SCN1A: variants seen among roughly 807,000 people sequenced by gnomAD.
The protein encoded by SCN1A is sodium channel protein type 1 subunit alpha.
A neutral mutation model predicts 193.7 loss-of-function variants in SCN1A; 13 were observed. The ratio of observed to expected loss-of-function variants is 0.07; its 90% CI spans 0.04 to 0.11. The LOEUF is 0.11. Ranked by LOEUF, SCN1A falls within the 10% of genes least tolerant of loss-of-function variation. The pLI is 1.00. For synonymous variants in SCN1A, 781 were observed against 843.6 expected (o/e 0.93, Z 1.29); for missense variants, 1,432 against 2,451.1 (o/e 0.58, Z 8.78).
chr2:166,007,986 C>T (rs1370667792), intron 23 of SCN1A, among the ~76,000 whole-genome samples: 10 of 151,058 alleles, frequency 6.6e-5, no homozygotes, highest in Non-Finnish European at 1.5e-4. Context: ...ATGCCAAACA[C>T]GTATTGAAGA....
At chr2:166,121,313 C>A (rs1690571926) in intron 2 of SCN1A, among the ~76,000 whole-genome samples, 1 of 152,106 alleles carries the variant, frequency 6.6e-6, no homozygotes, top group South Asian at 2.1e-4. Context: ...ACTATAATAT[C>A]TTTTGAAGAC....
In SCN1A at chr2:165,990,186, A is replaced by G. The variant is rs1688945933; in HGVS notation, c.*1059T>C. The G allele has an allele frequency of 6.6e-6, 1 of 152,612 alleles. No homozygotes were observed. Among genetic ancestry groups the G allele is most frequent in the Non-Finnish European group, 1.5e-5 (1 of 68,028 alleles). The allele number at this position is 152,612 out of a possible 1,614,324, so 9.5% of individuals were successfully genotyped here. A position where few individuals can be genotyped will look rare whatever the true frequency, so the allele number is the denominator to read the frequency against. ...GCTTGCACTCTACATTTCTTGTGGTACATATTTGATGCAATAAATACTGTG... is the reference window on the plus strand; with the variant it reads ...GCTTGCACTCTACATTTCTTGTGGTGCATATTTGATGCAATAAATACTGTG... On this transcript the variant is annotated 3_prime_UTR_variant, in exon 29 of 29. Transcript: ENST00000674923.
intron 2 of SCN1A, among the ~76,000 whole-genome samples, chr2:166,094,360 A>G (rs980448941): frequency 1.3e-5 from 2 of 152,184 alleles, no homozygotes; most frequent in African/African-American, 4.8e-5. Context: ...GACCCCAGAG[A>G]ATATCTGCCA....
At chr2:166,134,453 T>C (rs1189800618) in intron 1 of SCN1A, among the ~76,000 whole-genome samples, 1 of 152,218 alleles carries the variant, frequency 6.6e-6, no homozygotes, top group Non-Finnish European at 1.5e-5. Flanking sequence ...AGGGTATGAA[T>C]GCAGTTACTG....
chr2:165,984,742 A>G (rs1322887829), downstream of SCN1A: 1 of 152,178 alleles, frequency 6.6e-6, no homozygotes, highest in East Asian at 1.9e-4. Context: ...CAAGCATTGA[A>G]TATAGGAGAT....
chr2:166,003,358 C>T (rs897540331), intron 23 of SCN1A, among the ~76,000 whole-genome samples: 1 of 151,514 alleles, frequency 6.6e-6, no homozygotes. Flanking sequence ...TTATTTCAAG[C>T]TCCAGTCATG....
In SCN1A at chr2:166,042,450, A is replaced by G. The variant is rs749370340; in HGVS notation, c.2044-26T>C. ...CTGTAAAAAAAAATGCTAATGCATT[A>G]AACAATTAATTTGAGCAATATGACA... is the stretch of plus-strand genomic sequence containing the variant. On this transcript the variant is annotated intron_variant, in intron 14 of 28. Transcript: ENST00000674923. The G allele has an allele frequency of 3.7e-6, 6 of 1,611,202 alleles. 1 individual carries two copies. In the East Asian group the frequency reaches 1.3e-4, roughly 36 times the overall value.
At chr2:166,054,581 A>C in intron 7 of SCN1A, 57 bp downstream of exon 7, 1 of 1,561,480 alleles carries the variant, frequency 6.4e-7, no homozygotes, top group Non-Finnish European at 8.8e-7. Context: ...TAAAAGCATA[A>C]GCACTGATGG....
intron 19 of SCN1A, among the ~76,000 whole-genome samples, chr2:166,029,424 G>C (rs1460649517): frequency 1.3e-5 from 2 of 152,050 alleles, no homozygotes; most frequent in African/African-American, 4.8e-5. Flanking sequence ...AGTCCCTAGT[G>C]ATCAATTAGA....
At chr2:166,111,398 T>A (rs1452979579) in intron 2 of SCN1A, among the ~76,000 whole-genome samples, 1 of 152,032 alleles carries the variant, frequency 6.6e-6, no homozygotes, top group African/African-American at 2.4e-5. Flanking sequence ...ACAGCATGCT[T>A]TATTGAATGT....
rs190385158 is a variant in SCN1A at position 166,056,859 on chromosome 2, A to C, written c.384-359T>G. Among the ~76,000 whole-genome samples the C allele has an allele frequency of 2.6e-5, 4 of 152,190 alleles. No individual in the cohort carries two copies. In the East Asian group the frequency reaches 5.8e-4, roughly 22 times the overall value. Reference sequence around the variant, plus strand: ...GTTGCACAGTTTTTCAGCAGAAAGTATTGACTTGAGCTCATTCAGGTGAAT... The same window carrying C: ...GTTGCACAGTTTTTCAGCAGAAAGTCTTGACTTGAGCTCATTCAGGTGAAT... On this transcript the variant is annotated intron_variant, in intron 5 of 28. Coordinates refer to ENST00000674923, the MANE Select transcript of SCN1A (RefSeq NM_001165963.4).
At chr2:166,107,036 C>T (rs1161120630) in intron 2 of SCN1A, among the ~76,000 whole-genome samples, 1 of 152,102 alleles carries the variant, frequency 6.6e-6, no homozygotes, top group Non-Finnish European at 1.5e-5. Context: ...TTAACAGCTA[C>T]ATACATTTTA....
chr2:166,104,306 A>G (rs1688454676), intron 2 of SCN1A: 1 of 152,224 alleles, frequency 6.6e-6, no homozygotes, highest in African/African-American at 2.4e-5. Context: ...TAAGAAAGAG[A>G]TAATGATGAA....
intron 2 of SCN1A, among the ~76,000 whole-genome samples, chr2:166,095,484 G>C (rs972934228): frequency 1.3e-5 from 2 of 152,120 alleles, no homozygotes; most frequent in Non-Finnish European, 2.9e-5. Context: ...TTTTAACAAA[G>C]GGGGATTGAA....
chr2:165,991,518 A>T lies in SCN1A; in HGVS notation c.5757T>A (p.Ala1919=), dbSNP rs1415694386. ...TLKRKQEEVS[A]VIIQRAYRRH... ...GTCTGTAAGCACGCTGAATAATGAC[A>T]GCAGATACTTCCTCTTGTTTTCGTT... The change falls in exon 29 of 29, where the codon GCT becomes GCA. Residue 1919 remains alanine, a synonymous_variant. Transcript: ENST00000674923. The T allele has an allele frequency of 3.7e-6, 6 of 1,613,980 alleles. No homozygotes were observed. The East Asian group carries it at 1.3e-4, about 36-fold the overall frequency.
intron 17 of SCN1A, among the ~76,000 whole-genome samples, 179 bp downstream of exon 17, chr2:166,039,243 AG>A (rs1202764982): frequency 6.6e-6 from 1 of 152,192 alleles, no homozygotes; most frequent in Non-Finnish European, 1.5e-5. Context: ...TTTGAAATAA[AG>A]GTTTTCATAA....
chr2:166,083,185 A>G (rs1685721651), intron 2 of SCN1A, among the ~76,000 whole-genome samples: 1 of 152,116 alleles, frequency 6.6e-6, no homozygotes, highest in Non-Finnish European at 1.5e-5. Context: ...AAATAATTTG[A>G]TTTGGTGTAA....
chr2:166,043,542 A>T, intron 14 of SCN1A, 127 bp downstream of exon 14: 1 of 1,019,926 alleles, frequency 9.8e-7, no homozygotes, highest in Non-Finnish European at 1.4e-6. Context: ...TAAAGATATT[A>T]CAAGATGCAG....
chr2:166,018,592 G>GT (rs200247079), intron 19 of SCN1A, among the ~76,000 whole-genome samples: 1 of 151,978 alleles, frequency 6.6e-6, no homozygotes, highest in South Asian at 2.1e-4. Flanking sequence ...TTCTTCTGAT[G>GT]TTTTTTCATT....
Sources: gnomAD v4.1 joint callset for allele counts (sites outside exome capture counted in the v4.1 genomes callset) on GRCh38, gnomAD v4.1.1 for gene constraint, MANE v1.5 for transcripts, NCBI Gene and HGNC (gene_info 2026-07-23, HGNC 2026-07-21) for gene names.